The following GSE1 variants were observed in gnomAD, a reference collection of about 807,000 sequenced individuals.
GSE1 encodes Gse1 coiled-coil protein, also known as genetic suppressor element 1.
In GSE1, 32 loss-of-function variants were observed where a neutral mutation model predicts 112.6. That is an observed-to-expected ratio of 0.28 (90% CI 0.21 to 0.38). GSE1 has a LOEUF of 0.38. Ranked by LOEUF, GSE1 falls within the 10% of genes least tolerant of loss-of-function variation. The pLI is 1.00. For missense variants in GSE1, 2,348 were observed against 1,699.2 expected, an observed-to-expected ratio of 1.38 and a Z score of -6.71; for synonymous variants, 1,115 against 735.6, an observed-to-expected ratio of 1.52 and a Z score of -8.35.
intron 1 of GSE1, among the ~76,000 whole-genome samples, chr16:85,348,241 T>C (rs965838304): frequency 1.3e-5 from 2 of 151,982 alleles, no homozygotes; most frequent in African/African-American, 4.8e-5. Flanking sequence ...CTGTCCATCA[T>C]CCATCCATCC....
chr16:85,377,178 G>A (rs1039443397), intron 2 of GSE1, among the ~76,000 whole-genome samples: 1 of 152,228 alleles, frequency 6.6e-6, no homozygotes, highest in African/African-American at 2.4e-5. Flanking sequence ...TTTGGGGGCT[G>A]CAGGAAGCCG....
upstream of GSE1, chr16:85,554,970 T>TGCGCCCCGCTCCCC: frequency 1.0e-6 from 1 of 985,312 alleles, no homozygotes; most frequent in South Asian, 4.7e-5. Flanking sequence ...CCCGGCTTCC[T>TGCGCCCCGCTCCCC]GCGCCCCGCT....
intron 2 of GSE1, among the ~76,000 whole-genome samples, chr16:85,450,826 C>T (rs2049657811): frequency 1.3e-5 from 2 of 151,962 alleles, no homozygotes; most frequent in Non-Finnish European, 1.5e-5. Flanking sequence ...TTTGGGAGGC[C>T]GAGGTGGGCC....
In GSE1 at chr16:85,621,648, A is replaced by T. The variant is rs377095160; in HGVS notation, c.7+8250A>T. On this transcript the variant is annotated intron_variant, in intron 1 of 15. Coordinates refer to ENST00000253458, the MANE Select transcript of GSE1 (RefSeq NM_014615.5). ...AGACTGGTTGGGATCCTGCGGAGTGACTCTGAATCCACTAACAGCAGGACT... is the reference window on the plus strand; with the variant it reads ...AGACTGGTTGGGATCCTGCGGAGTGTCTCTGAATCCACTAACAGCAGGACT... Among the ~76,000 whole-genome samples the T allele has an allele frequency of 3.3e-5, 5 of 152,094 alleles. No individual in the cohort carries two copies. In the South Asian group the frequency reaches 1.0e-3, roughly 32 times the overall value.
chr16:85,399,520 C>T (rs1247806811), intron 2 of GSE1, among the ~76,000 whole-genome samples: 1 of 152,222 alleles, frequency 6.6e-6, no homozygotes, highest in Non-Finnish European at 1.5e-5. Flanking sequence ...TTCACAGCCC[C>T]CATCCTTGCG....
chr16:85,455,501 C>T (rs1157845027), intron 2 of GSE1, among the ~76,000 whole-genome samples: 5 of 152,202 alleles, frequency 3.3e-5, no homozygotes, highest in African/African-American at 1.2e-4. Flanking sequence ...ATGGTCCCCT[C>T]CTCACACCCC....
intron 1 of GSE1, among the ~76,000 whole-genome samples, chr16:85,209,067 G>A (rs553469631): frequency 6.6e-6 from 1 of 151,336 alleles, no homozygotes; most frequent in African/African-American, 2.4e-5. Flanking sequence ...GTTCACCTGT[G>A]TTGGGGTTCG....
chr16:85,436,363 C>G (rs1470414666), intron 2 of GSE1, among the ~76,000 whole-genome samples: 2 of 152,202 alleles, frequency 1.3e-5, no homozygotes, highest in African/African-American at 4.8e-5. Flanking sequence ...GGATCCTGGC[C>G]CAGCCCATCC....
chr16:85,309,532 G>T (rs566240702), intron 1 of GSE1, among the ~76,000 whole-genome samples: 1 of 151,408 alleles, frequency 6.6e-6, no homozygotes, highest in African/African-American at 2.4e-5. Flanking sequence ...AAGAAGAACC[G>T]GGTGAGATTA....
At chr16:85,181,505 A>C (rs1189897917) in intron 1 of GSE1, among the ~76,000 whole-genome samples, 1 of 152,192 alleles carries the variant, frequency 6.6e-6, no homozygotes, top group Non-Finnish European at 1.5e-5. Context: ...CCTGCCCCTG[A>C]TTGAGCACAG....
At chr16:85,462,060 G>A (rs1189836443) in intron 2 of GSE1, among the ~76,000 whole-genome samples, 1 of 152,202 alleles carries the variant, frequency 6.6e-6, no homozygotes, top group African/African-American at 2.4e-5. Flanking sequence ...TGGGGCGCGA[G>A]GCTGAGCACA....
At chr16:85,298,551 C>G (rs2045430722) in intron 1 of GSE1, among the ~76,000 whole-genome samples, 1 of 152,178 alleles carries the variant, frequency 6.6e-6, no homozygotes, top group Non-Finnish European at 1.5e-5. Flanking sequence ...CTTCGGCCTC[C>G]CAAGTAGCTG....
intron 2 of GSE1, among the ~76,000 whole-genome samples, chr16:85,524,849 T>G (rs1598062787): frequency 6.6e-6 from 1 of 152,266 alleles, no homozygotes; most frequent in East Asian, 1.9e-4. Flanking sequence ...GGTCCTGGGC[T>G]TGTCTGCAGC....
At chr16:85,627,366 C>A (rs999610983) in intron 1 of GSE1, among the ~76,000 whole-genome samples, 21 of 152,138 alleles carry the variant, frequency 1.4e-4, no homozygotes, top group African/African-American at 4.8e-4. Context: ...TGGGTTCTTT[C>A]TGAAAGGGTC....
intron 1 of GSE1, among the ~76,000 whole-genome samples, chr16:85,354,999 G>A (rs1291789333): frequency 2.6e-5 from 4 of 152,186 alleles, no homozygotes; most frequent in Admixed American, 2.0e-4. Flanking sequence ...AGGTGCCGCC[G>A]CCTCCTGGCT....
intron 1 of GSE1, among the ~76,000 whole-genome samples, chr16:85,227,057 G>C (rs200990943): frequency 1.0e-5 from 1 of 98,798 alleles, no homozygotes; most frequent in Non-Finnish European, 2.4e-5. Context: ...TCTTCCATCT[G>C]TCTATTTATA....
intron 1 of GSE1, among the ~76,000 whole-genome samples, chr16:85,215,957 A>G (rs968837271): frequency 6.6e-6 from 1 of 152,150 alleles, no homozygotes; most frequent in Non-Finnish European, 1.5e-5. Flanking sequence ...CCCAGCTGTG[A>G]GCAGAGCCCT....
rs1390807417 is a variant in GSE1 at position 85,419,778 on chromosome 16, A to T, written c.2464+62135A>T. Among the ~76,000 whole-genome samples the T allele has an allele frequency of 8.4e-6, 1 of 119,194 alleles. No homozygotes were observed. The highest frequency in any genetic ancestry group is 8.2e-5 in the Admixed American group (1 of 12,204). The allele number at this position is 119,194 out of a possible 152,430, so 78.2% of individuals were successfully genotyped here. On this transcript the variant is annotated intron_variant, in intron 2 of 2. Transcript: ENST00000637419. The surrounding 1 kb of genome is among the most constrained non-coding windows in gnomAD (Gnocchi z 6.5). Reference sequence around the variant, plus strand: ...TCCCCCGCCCCGCCCCCACCCCTCCAAGACTCTGATGGAAATGGTCCGAGT... The same window carrying T: ...TCCCCCGCCCCGCCCCCACCCCTCCTAGACTCTGATGGAAATGGTCCGAGT...
At chr16:85,431,208 G>A (rs1210019762) in intron 2 of GSE1, among the ~76,000 whole-genome samples, 1 of 152,188 alleles carries the variant, frequency 6.6e-6, no homozygotes, top group African/African-American at 2.4e-5. Context: ...TGAGGGGCGC[G>A]CAGGAGCCAG....
Sources: gnomAD v4.1 joint callset for allele counts (sites outside exome capture counted in the v4.1 genomes callset) on GRCh38, gnomAD v4.1.1 for gene constraint, Gnocchi (gnomAD v3.1) non-coding constraint, MANE v1.5 for transcripts, NCBI Gene and HGNC (gene_info 2026-07-23, HGNC 2026-07-21) for gene names.